SND1: variants seen among roughly 807,000 people sequenced by gnomAD.
The protein encoded by SND1 is staphylococcal nuclease domain-containing protein 1.
In SND1, 38 loss-of-function variants were observed where a neutral mutation model predicts 121.7. The ratio of observed to expected loss-of-function variants is 0.31; its 90% confidence interval spans 0.24 to 0.41. The LOEUF is 0.41. SND1 is among the 10% of genes least tolerant of loss of function. The probability of loss-of-function intolerance (pLI) is 1.00; values close to 1 mark genes in which losing one functional copy is unlikely to be tolerated. For synonymous variants in SND1, 401 were observed against 447.4 expected (o/e 0.90, Z 1.31); for missense variants, 868 against 1,184.6 (o/e 0.73, Z 3.92).
intron 15 of SND1, among the ~76,000 whole-genome samples, chr7:127,981,667 G>A (rs1802266342): frequency 6.6e-6 from 1 of 152,158 alleles, no homozygotes; most frequent in Non-Finnish European, 1.5e-5. Context: ...TCCCATTTGG[G>A]AGAGATTGTG....
chr7:127,780,227 G>A (rs4731382), intron 10 of SND1, among the ~76,000 whole-genome samples: 143,848 of 152,256 alleles, frequency 0.94, 68,394 homozygotes, highest in Non-Finnish European at 1. Context: ...GGTTTCTTAT[G>A]TGTTTTATAT....
At chr7:127,881,896 C>G (rs1460906823) in intron 12 of SND1, among the ~76,000 whole-genome samples, 1 of 152,106 alleles carries the variant, frequency 6.6e-6, no homozygotes, top group African/African-American at 2.4e-5. Flanking sequence ...GCCTCGCCCT[C>G]CCAAAGTGTT....
intron 10 of SND1, among the ~76,000 whole-genome samples, chr7:127,786,326 T>C (rs1584571544): frequency 6.6e-6 from 1 of 152,230 alleles, no homozygotes; most frequent in Non-Finnish European, 1.5e-5. Flanking sequence ...TTGGATAAAA[T>C]ACATTGTTCA....
intron 16 of SND1, among the ~76,000 whole-genome samples, chr7:128,044,651 G>GAC (rs1334500333): frequency 5.6e-5 from 5 of 90,050 alleles, no homozygotes; most frequent in East Asian, 7.2e-4. Flanking sequence ...CACACACACA[G>GAC]ACACACACAC....
At chr7:128,026,807 G>A (rs1167515364) in intron 16 of SND1, among the ~76,000 whole-genome samples, 1 of 152,186 alleles carries the variant, frequency 6.6e-6, no homozygotes, top group African/African-American at 2.4e-5. Context: ...AGGGCATAGG[G>A]AATTTGATTA....
chr7:127,779,499 C>T (rs1418341014), intron 10 of SND1, among the ~76,000 whole-genome samples: 1 of 152,196 alleles, frequency 6.6e-6, no homozygotes, highest in Non-Finnish European at 1.5e-5. Context: ...GGCCATATTC[C>T]CATGGTGTGG....
chr7:128,089,558 G>A lies in SND1; in HGVS notation c.2488G>A (p.Val830Met), dbSNP rs1311234893. ...CCAGAACACTCAGTGCCTGCTCAAC[G>A]TGGAACACCTGAGTGCCGGCTGCCC... ...DIQNTQCLLN[V>M]EHLSAGCPHV... The change falls in exon 22 of 24, where the codon GTG (valine) becomes ATG (methionine). Residue 830 changes from valine (V) to methionine (M), a missense_variant. By Grantham distance (21) the Val-to-Met change is conservative. Transcript: ENST00000354725. 4 of 1,614,250 alleles carry A rather than the reference G, an allele frequency of 2.5e-6. No homozygotes were observed. Among genetic ancestry groups the A allele is most frequent in the East Asian group, 4.5e-5 (2 of 44,884 alleles).
intron 16 of SND1, among the ~76,000 whole-genome samples, chr7:128,012,404 C>A (rs2116949954): frequency 6.6e-6 from 1 of 152,330 alleles, no homozygotes; most frequent in Non-Finnish European, 1.5e-5. Context: ...TCTGGCTACA[C>A]CAGGGCAATG....
At chr7:127,701,131 C>CT (rs1224098497) in intron 4 of SND1, 32 bp from the exon 5 acceptor site, 6 of 1,610,758 alleles carry the variant, frequency 3.7e-6, no homozygotes, top group Non-Finnish European at 5.1e-6. Flanking sequence ...TGTGAACTCA[C>CT]TAACCACTCT....
At chr7:127,761,849 T>C (rs1200791077) in intron 10 of SND1, among the ~76,000 whole-genome samples, 1 of 152,244 alleles carries the variant, frequency 6.6e-6, no homozygotes, top group Non-Finnish European at 1.5e-5. Context: ...TGTTACAGTA[T>C]TTTCCAGAGG....
rs1006565619 is a variant in SND1 at position 128,092,203 on chromosome 7, G to A, written c.*145G>A. The A allele has an allele frequency of 1.3e-5, 11 of 867,694 alleles. No individual in the cohort carries two copies. Among genetic ancestry groups the A allele is most frequent in the Non-Finnish European group, 2.0e-5 (11 of 558,022 alleles). The allele number at this position is 867,694 out of a possible 1,614,324, so 53.7% of individuals were successfully genotyped here. On this transcript the variant is annotated 3_prime_UTR_variant, in exon 24 of 24. Transcript: ENST00000354725. This position sits in a 1 kb window ranked among gnomAD's most constrained non-coding sequence, Gnocchi z 4.9. The stretch of plus-strand genomic sequence containing the variant: ...GTGTGTGGAAATGTCTCGTGGGGTG[G>A]CATCGGGGCTGCGGGGTGGGGACCC...
At chr7:127,699,369 C>G (rs1367953673) in intron 4 of SND1, among the ~76,000 whole-genome samples, 1 of 152,136 alleles carries the variant, frequency 6.6e-6, no homozygotes, top group Non-Finnish European at 1.5e-5. Context: ...AGTCAGTAAA[C>G]AAGTAGATAT....
At chr7:128,046,453 C>A (rs1454416705) in intron 16 of SND1, among the ~76,000 whole-genome samples, 1 of 150,682 alleles carries the variant, frequency 6.6e-6, no homozygotes, top group Non-Finnish European at 1.5e-5. Context: ...GCAACCTCCA[C>A]CTCGGGTTCA....
chr7:127,817,356 A>T (rs1425170374), intron 11 of SND1, among the ~76,000 whole-genome samples: 3 of 151,904 alleles, frequency 2.0e-5, no homozygotes. Flanking sequence ...CATAACCCTG[A>T]CTCTTAGGAA....
chr7:127,960,265 C>T (rs1391379917), intron 15 of SND1, among the ~76,000 whole-genome samples: 1 of 152,200 alleles, frequency 6.6e-6, no homozygotes, highest in Non-Finnish European at 1.5e-5. Flanking sequence ...ATAGGCAGTA[C>T]CTAAGACAGA....
Position 128,090,363 on chromosome 7 carries a change from G to A in SND1, c.2622+671G>A, listed in dbSNP as rs995638448. 2.0e-5 allele frequency among the ~76,000 whole-genome samples: 3 copies of A among 152,220 alleles called. No individual in the cohort carries two copies. In the East Asian group the frequency reaches 5.8e-4, roughly 29 times the overall value. ...AGCTTTGGGCTCTGGATACAAGGCA[G>A]CCCCTTCCACCCAACACTATACATT... On this transcript the variant is annotated intron_variant, in intron 22 of 23. Transcript: ENST00000354725.
intron 11 of SND1, among the ~76,000 whole-genome samples, chr7:127,814,049 AT>A (rs1798382789): frequency 6.6e-6 from 1 of 152,148 alleles, no homozygotes; most frequent in African/African-American, 2.4e-5. Context: ...ATACTCTTAT[AT>A]TAATTTGCTT....
At chr7:127,785,323 T>A (rs1797792522) in intron 10 of SND1, among the ~76,000 whole-genome samples, 1 of 152,212 alleles carries the variant, frequency 6.6e-6, no homozygotes, top group African/African-American at 2.4e-5. Context: ...TCCTCCAAGA[T>A]TTTTTAATAA....
chr7:127,835,066 G>A (rs906599220), intron 11 of SND1, among the ~76,000 whole-genome samples: 1 of 152,144 alleles, frequency 6.6e-6, no homozygotes, highest in Non-Finnish European at 1.5e-5. Flanking sequence ...AGATTTCCCT[G>A]GTATTTTGGT....
Sources: allele counts gnomAD v4.1 joint callset (sites outside exome capture counted in the v4.1 genomes callset), GRCh38; gene constraint gnomAD v4.1.1; non-coding constraint Gnocchi (gnomAD v3.1); transcripts MANE v1.5; gene names NCBI Gene and HGNC (gene_info 2026-07-23, HGNC 2026-07-21).